The following PDE11A variants were observed in gnomAD, a reference collection of about 807,000 sequenced individuals.
The protein encoded by PDE11A is dual 3',5'-cyclic-AMP and -GMP phosphodiesterase 11A.
Under a neutral mutation model 100.5 loss-of-function variants are expected in PDE11A, and 100 were observed. The observed-to-expected ratio is 1.00, with a 90% CI of 0.85 to 1.18. PDE11A has a LOEUF of 1.18. PDE11A is among the 50% of genes most tolerant of loss of function. PDE11A has a pLI of 0.00. For missense variants in PDE11A, 1,141 were observed against 1,152.6 expected (o/e 0.99, Z 0.15); for synonymous variants, 381 against 420.8 (o/e 0.91, Z 1.16).
chr2:177,861,794 G>T (rs1452688891), intron 5 of PDE11A, among the ~76,000 whole-genome samples: 1 of 151,840 alleles, frequency 6.6e-6, no homozygotes, highest in Non-Finnish European at 1.5e-5. Flanking sequence ...TTTCCACATG[G>T]GTGGCAAGAC....
chr2:178,082,695 C>T (rs2087302473), intron 2 of PDE11A, among the ~76,000 whole-genome samples: 1 of 152,218 alleles, frequency 6.6e-6, no homozygotes, highest in South Asian at 2.1e-4. Context: ...TACAAAAAAA[C>T]AGAAGCATTA....
intron 5 of PDE11A, among the ~76,000 whole-genome samples, chr2:177,858,923 A>T (rs1024108891): frequency 3.9e-5 from 6 of 152,168 alleles, no homozygotes; most frequent in Non-Finnish European, 7.4e-5. Context: ...GCCATAAAAA[A>T]GGATGAGTTC....
chr2:177,683,690 C>T lies in PDE11A; in HGVS notation c.2346-2787G>A, dbSNP rs538032325. On this transcript the variant is annotated intron_variant, in intron 15 of 19. Transcript: ENST00000286063. The stretch of plus-strand genomic sequence containing the variant: ...TTTTGCCCAATAAATTCCATAACCT[C>T]TCACCCTTCAAAGTGTCTGCTTGCC... 8.1e-4 allele frequency among the ~76,000 whole-genome samples: 124 copies of T among 152,306 alleles called. 2 individuals carry two copies. Among genetic ancestry groups the T allele is most frequent in the African/African-American group, 2.8e-3 (117 of 41,562 alleles).
chr2:178,088,882 A>C (rs1018559204), intron 2 of PDE11A, among the ~76,000 whole-genome samples: 1 of 152,238 alleles, frequency 6.6e-6, no homozygotes, highest in South Asian at 2.1e-4. Context: ...ATTCAAGTGT[A>C]GGAGACATTT....
rs565233525 is a variant in PDE11A at position 177,986,800 on chromosome 2, C to G, written c.1071+27502G>C. Among the ~76,000 whole-genome samples, 9 of 147,108 alleles carry G rather than the reference C, an allele frequency of 6.1e-5. No individual in the cohort carries two copies. In the South Asian group the frequency reaches 1.9e-3, roughly 32 times the overall value. On this transcript the variant is annotated intron_variant, in intron 2 of 19. Transcript: ENST00000286063. Reference sequence around the variant, plus strand: ...GAGCTGAGATCGTGTCACTGCACTCCAGCCTAGGCAACAGAGTGAGACTCC... The same window carrying G: ...GAGCTGAGATCGTGTCACTGCACTCGAGCCTAGGCAACAGAGTGAGACTCC...
chr2:178,107,521 G>A (rs773811052), intron 1 of PDE11A, among the ~76,000 whole-genome samples: 4 of 151,268 alleles, frequency 2.6e-5, no homozygotes, highest in Non-Finnish European at 5.9e-5. Flanking sequence ...CATATTCTAA[G>A]CACTTTATAT....
intron 6 of PDE11A, among the ~76,000 whole-genome samples, chr2:177,830,601 A>AAATAATAATAAT (rs56365605): frequency 1.3e-3 from 181 of 140,018 alleles, no homozygotes; most frequent in African/African-American, 4.6e-3. Context: ...ACTCCATCTC[A>AAATAATAATAAT]AATAATAATA....
rs562001259 is a variant in PDE11A at position 177,769,564 on chromosome 2, C to A, written c.1738-191G>T. Among the ~76,000 whole-genome samples the A allele has an allele frequency of 6.6e-5, 10 of 152,106 alleles. No individual in the cohort carries two copies. The South Asian group carries it at 2.1e-3, about 32-fold the overall frequency. The stretch of plus-strand genomic sequence containing the variant: ...TTCACATATTAAAGAATATTTTATA[C>A]CGGGATTTTTCTATGGGTAGTTATG... On this transcript the variant is annotated intron_variant, in intron 9 of 19. Coordinates refer to ENST00000286063, the MANE Select transcript of PDE11A (RefSeq NM_016953.4).
intron 2 of PDE11A, among the ~76,000 whole-genome samples, chr2:177,929,743 G>T (rs1005940562): frequency 5.3e-5 from 8 of 152,164 alleles, no homozygotes; most frequent in African/African-American, 2.4e-5. Context: ...ACTTTATAAA[G>T]CTTTCCCCCC....
intron 2 of PDE11A, among the ~76,000 whole-genome samples, chr2:178,088,623 C>A (rs1199863381): frequency 6.6e-6 from 1 of 152,152 alleles, no homozygotes; most frequent in Non-Finnish European, 1.5e-5. Context: ...CCTTTTAGAT[C>A]CTTATGAAGA....
intron 5 of PDE11A, among the ~76,000 whole-genome samples, chr2:177,870,092 CCTT>C (rs2084104386): frequency 6.6e-6 from 1 of 152,136 alleles, no homozygotes; most frequent in Non-Finnish European, 1.5e-5. Flanking sequence ...ATTTCTCCTG[CCTT>C]CAGTTGCATA....
rs2087152311 is a variant in PDE11A, at chr2:178,072,602, C to A, written c.-165G>T. 6.6e-7 allele frequency: 1 copy of A among 1,508,758 alleles called. No homozygotes were observed. The highest frequency in any genetic ancestry group is 1.4e-5 in the African/African-American group (1 of 72,736). 93.5% of individuals were successfully genotyped at this position (1,508,758 alleles called of 1,614,324 possible). A position where few individuals can be genotyped will look rare whatever the true frequency, so the allele number is the denominator to read the frequency against. The stretch of plus-strand genomic sequence containing the variant: ...AGTGGAATCTGGGAGATGCCCCTTC[C>A]TTCTCTGGCTCAGAGTGGCTGGCGC... On this transcript the variant is annotated 5_prime_UTR_variant, in exon 1 of 20. It adds an upstream start codon to the 5' untranslated region. Coordinates refer to ENST00000286063, the MANE Select transcript of PDE11A (RefSeq NM_016953.4).
In PDE11A at chr2:178,071,554, T is replaced by C. The variant is rs751004065; in HGVS notation, c.884A>G (p.Glu295Gly). 1 of 1,613,030 alleles carries C rather than the reference T, an allele frequency of 6.2e-7. No homozygotes were observed. The highest frequency in any genetic ancestry group is 1.1e-5 in the South Asian group (1 of 91,038). The part of the protein sequence containing the change: ...GIIGYVGEHG[E>G]TVNIPDAYQD... ...GTAGGCATCAGGAATGTTGACCGTT[T>C]CTCCATGCTCCCCGACATAGCCAAT... is the stretch of plus-strand genomic sequence containing the variant. Residue 295 changes from glutamate to glycine, a missense_variant, in exon 1 of 20, where the codon GAA becomes GGA. Transcript: ENST00000286063.
At chr2:178,102,801 AC>A (rs1187278560) in intron 2 of PDE11A, among the ~76,000 whole-genome samples, 6 of 152,066 alleles carry the variant, frequency 3.9e-5, no homozygotes, top group African/African-American at 1.5e-4. Context: ...TGAGGTCCTA[AC>A]CCCTGGTAAC....
intron 2 of PDE11A, among the ~76,000 whole-genome samples, chr2:177,934,861 A>T (rs2085253084): frequency 6.6e-6 from 1 of 152,242 alleles, no homozygotes; most frequent in East Asian, 1.9e-4. Context: ...GAAGGCTATT[A>T]TTCTAAGCAA....
chr2:177,766,302 T>C (rs2082237896), intron 10 of PDE11A, among the ~76,000 whole-genome samples: 1 of 152,182 alleles, frequency 6.6e-6, no homozygotes, highest in African/African-American at 2.4e-5. Flanking sequence ...CCACTGCTGA[T>C]CTGACAGGAG....
chr2:177,742,244 A>AC (rs2081882779), intron 10 of PDE11A, among the ~76,000 whole-genome samples: 1 of 151,756 alleles, frequency 6.6e-6, no homozygotes, highest in African/African-American at 2.4e-5. Context: ...AGAAAACTAT[A>AC]CATGACTATC....
rs548551053 is a variant in PDE11A, at chr2:177,992,350, TGG to T, written c.1071+21950_1071+21951del. Among the ~76,000 whole-genome samples the T allele has an allele frequency of 6.3e-4, 96 of 151,558 alleles. 3 individuals carry two copies. The highest frequency in any genetic ancestry group is 2.3e-3 in the African/African-American group (94 of 41,294). Reference sequence around the variant, plus strand: ...CCAGAAATCAGATGGTGGTTAAGTGTGGAAAAAGATTCCAGGGCATCCACTTG... The same window carrying T: ...CCAGAAATCAGATGGTGGTTAAGTGTAAAAAGATTCCAGGGCATCCACTTG... On this transcript the variant is annotated intron_variant, in intron 2 of 19. Coordinates refer to ENST00000286063, the MANE Select transcript of PDE11A (RefSeq NM_016953.4).
chr2:177,912,824 A>T (rs926466140), intron 2 of PDE11A, among the ~76,000 whole-genome samples: 1 of 152,128 alleles, frequency 6.6e-6, no homozygotes, highest in Middle Eastern at 3.2e-3. Context: ...ATAATATTTT[A>T]TCAGCTTTTT....
Sources: gnomAD v4.1 joint callset for allele counts (sites outside exome capture counted in the v4.1 genomes callset) on GRCh38, gnomAD v4.1.1 for gene constraint, MANE v1.5 for transcripts, NCBI Gene and HGNC (gene_info 2026-07-23, HGNC 2026-07-21) for gene names.